The following FRMD4B variants were observed in gnomAD, a reference collection of about 807,000 sequenced individuals.
FRMD4B encodes FERM domain-containing protein 4B.
In FRMD4B, 74 loss-of-function variants were observed where a neutral mutation model predicts 141.5. The ratio of observed to expected loss-of-function variants is 0.52; its 90% CI spans 0.43 to 0.63. The LOEUF (loss-of-function observed/expected upper bound fraction) is 0.63, where lower values mean the gene tolerates loss of function less well. FRMD4B is among the 30% of genes least tolerant of loss of function. FRMD4B has a pLI of 0.00. For synonymous variants in FRMD4B, 506 were observed against 467.9 expected (o/e 1.08, Z -1.05); for missense variants, 1,366 against 1,253.4 (o/e 1.09, Z -1.36).
chr3:69,531,731 G>C (rs897988601), intron 1 of FRMD4B, among the ~76,000 whole-genome samples: 1 of 152,128 alleles, frequency 6.6e-6, no homozygotes, highest in African/African-American at 2.4e-5. Context: ...ATCCAAAAAA[G>C]ACCAAAGATC....
chr3:69,468,496 T>C (rs1705830614), intron 1 of FRMD4B, among the ~76,000 whole-genome samples: 1 of 152,146 alleles, frequency 6.6e-6, no homozygotes, highest in African/African-American at 2.4e-5. Context: ...CTAGGGGTAA[T>C]TTCATTCCCC....
chr3:69,331,729 C>T (rs1057037452), intron 1 of FRMD4B, among the ~76,000 whole-genome samples: 5 of 152,084 alleles, frequency 3.3e-5, no homozygotes, highest in African/African-American at 1.2e-4. Context: ...AAATGCTTGG[C>T]AGAGGACACA....
intron 1 of FRMD4B, among the ~76,000 whole-genome samples, chr3:69,437,140 A>G (rs1705271800): frequency 6.6e-6 from 1 of 152,180 alleles, no homozygotes; most frequent in South Asian, 2.1e-4. Context: ...TGGCACAATC[A>G]TGGCTCACTG....
chr3:69,232,624 C>T (rs920530041), intron 7 of FRMD4B, among the ~76,000 whole-genome samples: 2 of 152,138 alleles, frequency 1.3e-5, no homozygotes, highest in Non-Finnish European at 2.9e-5. Context: ...ACTGAGGCTA[C>T]TCTTTGTGTG....
At chr3:69,484,060 C>A (rs1426346543) in intron 1 of FRMD4B, among the ~76,000 whole-genome samples, 1 of 152,160 alleles carries the variant, frequency 6.6e-6, no homozygotes, top group Admixed American at 6.5e-5. Flanking sequence ...ATTTGAATTT[C>A]TCTTCTTTTT....
chr3:69,466,863 T>TTTTTTA (rs1263212217), intron 1 of FRMD4B, among the ~76,000 whole-genome samples: 7 of 152,178 alleles, frequency 4.6e-5, no homozygotes, highest in Admixed American at 4.6e-4. Flanking sequence ...ACCCAGCTAA[T>TTTTTTA]TTTTTATTTT....
rs144074081 is a variant in FRMD4B, at chr3:69,279,781, T to TCTC, written c.501+7968_501+7970dup. ...CCTCCTTCTCCTCCTCCCCTCCTCC[T>TCTC]CTCCTCCTCCTCCTCCTCCTCCTCC... On this transcript the variant is annotated intron_variant, in intron 5 of 22. Coordinates refer to ENST00000398540, the MANE Select transcript of FRMD4B (RefSeq NM_015123.3). 1.7e-3 allele frequency among the ~76,000 whole-genome samples: 121 copies of TCTC among 72,338 alleles called. 1 individual carries two copies. Among genetic ancestry groups the TCTC allele is most frequent in the African/African-American group, 6.0e-3 (110 of 18,346 alleles). 47.5% of individuals were successfully genotyped at this position (72,338 alleles called of 152,430 possible). A position where few individuals can be genotyped will look rare whatever the true frequency, so the allele number is the denominator to read the frequency against.
chr3:69,287,655 TC>T (rs1302339607), intron 5 of FRMD4B, 96 bp downstream of exon 5: 6 of 688,722 alleles, frequency 8.7e-6, no homozygotes, highest in Admixed American at 2.5e-5. Context: ...TTTTTTTTTT[TC>T]TTAGTTTGAA....
At position 69,169,320 on chromosome 3, in the gene FRMD4B, C is replaced by T. The variant is rs577829777; in HGVS notation, c.*2541G>A. 1.3e-5 allele frequency among the ~76,000 whole-genome samples: 2 copies of T among 149,192 alleles called. No homozygotes were observed. The highest frequency in any genetic ancestry group is 4.9e-5 in the African/African-American group (2 of 40,570). On this transcript the variant is annotated 3_prime_UTR_variant, in exon 23 of 23. Coordinates refer to ENST00000398540, the MANE Select transcript of FRMD4B (RefSeq NM_015123.3). ...GTTTTTCAAAAGAGACGAAGAAAAC[C>T]GTGCAGTAGGATTGCTGAACTTCCA...
At chr3:69,230,522 G>C (rs531381948) in intron 7 of FRMD4B, among the ~76,000 whole-genome samples, 1 of 151,818 alleles carries the variant, frequency 6.6e-6, no homozygotes, top group Non-Finnish European at 1.5e-5. Context: ...CAGGTGGGTG[G>C]ATCACCTGAG....
intron 1 of FRMD4B, among the ~76,000 whole-genome samples, chr3:69,346,432 C>T (rs2107406725): frequency 6.6e-6 from 1 of 152,168 alleles, no homozygotes; most frequent in Middle Eastern, 3.4e-3. Flanking sequence ...GGAGAACTTC[C>T]CCAACCTAGC....
chr3:69,330,844 T>C (rs1428075556), intron 1 of FRMD4B, among the ~76,000 whole-genome samples: 1 of 152,208 alleles, frequency 6.6e-6, no homozygotes, highest in East Asian at 1.9e-4. Context: ...GTTGCTGCTA[T>C]CTTTCTGGAA....
chr3:69,332,209 A>C (rs1702392364), intron 1 of FRMD4B, among the ~76,000 whole-genome samples: 1 of 152,200 alleles, frequency 6.6e-6, no homozygotes, highest in Admixed American at 6.5e-5. Context: ...CTGTCCCTGG[A>C]CCTTGCAGAA....
chr3:69,199,568 G>T lies in FRMD4B; in HGVS notation c.877-794C>A, dbSNP rs75073595. ...GAGATACCACTTTCCTACCTATGAA[G>T]AGTTCCCCTAAATGCCACAGAAACC... On this transcript the variant is annotated intron_variant, in intron 11 of 22. Coordinates refer to ENST00000398540, the MANE Select transcript of FRMD4B (RefSeq NM_015123.3). Among the ~76,000 whole-genome samples, 725 of 152,310 alleles carry T rather than the reference G, an allele frequency of 4.8e-3. 10 individuals carry two copies. The highest frequency in any genetic ancestry group is 0.017 in the African/African-American group (696 of 41,568).
intron 2 of FRMD4B, among the ~76,000 whole-genome samples, chr3:69,398,693 G>C (rs1163273364): frequency 6.6e-6 from 1 of 152,184 alleles, no homozygotes; most frequent in Non-Finnish European, 1.5e-5. Context: ...AAGGCAGTGA[G>C]TGGGGGCTGT....
upstream of FRMD4B, among the ~76,000 whole-genome samples, chr3:69,386,843 G>A (rs994011950): frequency 6.6e-6 from 1 of 152,166 alleles, no homozygotes; most frequent in African/African-American, 2.4e-5. Context: ...TTGGTCCCTT[G>A]TAAATAGCTT....
In FRMD4B at chr3:69,182,589, C is replaced by G; in HGVS notation, c.2039+9G>C. 6.3e-7 allele frequency: 1 copy of G among 1,592,610 alleles called. No homozygotes were observed. The highest frequency in any genetic ancestry group is 8.5e-7 in the Non-Finnish European group (1 of 1,173,258). On this transcript the variant is annotated intron_variant, in intron 20 of 22. Transcript: ENST00000398540. ...GACAGCTAAAGCAATGAGAAAGAAG[C>G]TCTCTTACTCCAAGTGGCTGCTGCT...
At chr3:69,353,758 C>G (rs1291823247) in intron 1 of FRMD4B, 18 of 960,782 alleles carry the variant, frequency 1.9e-5, no homozygotes, top group Non-Finnish European at 2.5e-6. Context: ...AAGGAAATGA[C>G]CATACTGTTT....
chr3:69,188,004 TA>T (rs2092788924), intron 18 of FRMD4B, 87 bp from the exon 19 acceptor site: 1 of 714,626 alleles, frequency 1.4e-6, no homozygotes, highest in African/African-American at 1.8e-5. Flanking sequence ...AAAAAGAAAT[TA>T]GAAGGTTTAG....
Sources: allele counts gnomAD v4.1 joint callset (sites outside exome capture counted in the v4.1 genomes callset), GRCh38; gene constraint gnomAD v4.1.1; transcripts MANE v1.5; gene names NCBI Gene and HGNC (gene_info 2026-07-23, HGNC 2026-07-21).